Variants in TBXAS1 observed in about 807,000 individuals in gnomAD.
The protein encoded by TBXAS1 is thromboxane-A synthase.
In TBXAS1, 48 loss-of-function variants were observed where a neutral mutation model predicts 60.7. The ratio of observed to expected loss-of-function variants is 0.79; its 90% CI spans 0.63 to 1.01. The LOEUF is 1.01. Ranked by LOEUF, TBXAS1 falls within the 50% of genes least tolerant of loss-of-function variation. TBXAS1 has a pLI of 0.00. For missense variants in TBXAS1, 685 were observed against 686.3 expected (o/e 1.00, Z 0.02); for synonymous variants, 287 against 269.7 (o/e 1.06, Z -0.63).
chr7:139,778,338 G>T (rs1216195185), upstream of TBXAS1: 1 of 153,088 alleles, frequency 6.5e-6, no homozygotes. The surrounding 1 kb of genome is among the most constrained non-coding windows in gnomAD (Gnocchi z 4.8). Context: ...TTGTGTGTGT[G>T]TGTGCACGCG....
Position 139,870,618 on chromosome 7 carries a change from G to A in TBXAS1, c.90-1617G>A, listed in dbSNP as rs1039824908. ...GGTATGACTAATCCTTGGCGTTCAC[G>A]TGTGGCTCTTGAGTGTGGTTTGTAA... On this transcript the variant is annotated intron_variant, in intron 1 of 12. Coordinates refer to ENST00000448866, the MANE Select transcript of TBXAS1 (RefSeq NM_001061.7). Among the ~76,000 whole-genome samples, 5 of 152,158 alleles carry A rather than the reference G, an allele frequency of 3.3e-5. No homozygotes were observed. In the East Asian group the frequency reaches 9.6e-4, roughly 29 times the overall value.
intron 4 of TBXAS1, among the ~76,000 whole-genome samples, chr7:139,797,746 C>G (rs182844153): frequency 6.6e-6 from 1 of 152,306 alleles, no homozygotes; most frequent in African/African-American, 2.4e-5. Context: ...GCAGTAAGTA[C>G]TGCTGACCAC....
chr7:139,831,954 A>C (rs892204329), intron 1 of TBXAS1, among the ~76,000 whole-genome samples: 5 of 151,488 alleles, frequency 3.3e-5, no homozygotes, highest in African/African-American at 9.7e-5. Context: ...ACAAAACAAA[A>C]CAGAAGGATG....
Position 139,916,813 on chromosome 7 carries a change from G to A in TBXAS1, c.333+5492G>A, listed in dbSNP as rs191487682. Among the ~76,000 whole-genome samples, 376 of 152,366 alleles carry A rather than the reference G, an allele frequency of 2.5e-3. 3 individuals carry two copies. The highest frequency in any genetic ancestry group is 8.1e-3 in the African/African-American group (338 of 41,590). ...ATTCAGGGCTACAGGTGAGTCAGACGCCCTTGTGCGGGGGCCACAGGGACC... is the reference window on the plus strand; with the variant it reads ...ATTCAGGGCTACAGGTGAGTCAGACACCCTTGTGCGGGGGCCACAGGGACC... On this transcript the variant is annotated intron_variant, in intron 4 of 12. Coordinates refer to ENST00000448866, the MANE Select transcript of TBXAS1 (RefSeq NM_001061.7). The surrounding 1 kb of genome is among the most constrained non-coding windows in gnomAD (Gnocchi z 4.2).
chr7:139,799,075 C>CTTTT (rs59263161), intron 4 of TBXAS1, among the ~76,000 whole-genome samples: 3 of 118,722 alleles, frequency 2.5e-5, no homozygotes, highest in Non-Finnish European at 3.4e-5. Context: ...CCATACACTG[C>CTTTT]TTTTTTTTTT....
intron 11 of TBXAS1, among the ~76,000 whole-genome samples, chr7:140,017,186 C>G (rs1042403614): frequency 1.3e-5 from 2 of 152,348 alleles, no homozygotes; most frequent in East Asian, 3.9e-4. Context: ...GCCCAAGAGA[C>G]CTGCAGGGCA....
chr7:139,808,639 G>A (rs1797938296), intron 4 of TBXAS1, among the ~76,000 whole-genome samples: 2 of 152,004 alleles, frequency 1.3e-5, no homozygotes, highest in African/African-American at 2.4e-5. Flanking sequence ...CATCTCCACC[G>A]ACATCTGGTC....
At chr7:139,783,467 A>G (rs1797064925) in intron 3 of TBXAS1, among the ~76,000 whole-genome samples, 1 of 152,332 alleles carries the variant, frequency 6.6e-6, no homozygotes, top group Admixed American at 6.5e-5. Flanking sequence ...ATGGATTTGC[A>G]CATGAGAAGC....
chr7:139,798,371 G>A (rs1345053995), intron 4 of TBXAS1, among the ~76,000 whole-genome samples: 1 of 152,210 alleles, frequency 6.6e-6, no homozygotes, highest in African/African-American at 2.4e-5. Context: ...CCGCATGGGT[G>A]GAGCCAAGTT....
In TBXAS1 at chr7:139,964,092, A is replaced by AT. The variant is rs529477334; in HGVS notation, c.1134+1869dup. ...CTTAGGTCGCTGCCCATTCTTTTTT[A>AT]TTTTTTTTTTGAGATGAAGTTTCAC... On this transcript the variant is annotated intron_variant, in intron 9 of 12. Coordinates refer to ENST00000448866, the MANE Select transcript of TBXAS1 (RefSeq NM_001061.7). 2.1e-3 allele frequency among the ~76,000 whole-genome samples: 319 copies of AT among 148,936 alleles called. 1 individual carries two copies. The Middle Eastern group carries it at 0.031, about 15-fold the overall frequency.
chr7:139,920,808 C>G (rs756470753), intron 4 of TBXAS1, among the ~76,000 whole-genome samples: 9 of 152,210 alleles, frequency 5.9e-5, no homozygotes, highest in Admixed American at 2.6e-4. Context: ...GACACTCCTT[C>G]CTGAGACCAG....
At chr7:139,858,160 G>GC (rs1409583063) in intron 1 of TBXAS1, among the ~76,000 whole-genome samples, 1 of 152,190 alleles carries the variant, frequency 6.6e-6, no homozygotes, top group Non-Finnish European at 1.5e-5. Flanking sequence ...TGCTCACTCT[G>GC]CCCCATGGCC....
intron 4 of TBXAS1, among the ~76,000 whole-genome samples, chr7:139,788,713 A>G (rs1412366021): frequency 6.6e-6 from 1 of 152,222 alleles, no homozygotes; most frequent in Non-Finnish European, 1.5e-5. Context: ...AGAAGAGGAA[A>G]GGCTTAGGGC....
chr7:139,885,429 TC>T (rs1803014670), intron 3 of TBXAS1, among the ~76,000 whole-genome samples: 1 of 152,212 alleles, frequency 6.6e-6, no homozygotes, highest in Admixed American at 6.5e-5. Flanking sequence ...TGTAAAACAG[TC>T]ATGAATCACT....
chr7:139,843,304 G>A (rs116480074), intron 1 of TBXAS1, among the ~76,000 whole-genome samples: 4,645 of 150,768 alleles, frequency 0.031, 228 homozygotes, highest in African/African-American at 0.11. Flanking sequence ...TGGCTATCTC[G>A]GCACTTACTA....
intron 3 of TBXAS1, among the ~76,000 whole-genome samples, chr7:139,783,412 A>C (rs972588060): frequency 6.6e-6 from 1 of 151,914 alleles, no homozygotes; most frequent in African/African-American, 2.4e-5. Context: ...AGATGCACAG[A>C]AGGTAGGGCG....
At chr7:139,931,367 C>T (rs1344670791) in intron 4 of TBXAS1, among the ~76,000 whole-genome samples, 2 of 152,210 alleles carry the variant, frequency 1.3e-5, no homozygotes, top group African/African-American at 4.8e-5. Flanking sequence ...CCTGGACCTC[C>T]TTTCTGCAGA....
At chr7:140,002,438 G>A (rs1569524210) in intron 9 of TBXAS1, among the ~76,000 whole-genome samples, 1 of 152,266 alleles carries the variant, frequency 6.6e-6, no homozygotes, top group Non-Finnish European at 1.5e-5. Context: ...TTCCCGGGAC[G>A]GGGAGTCCTC....
At chr7:139,853,481 T>A (rs1172286743) in intron 1 of TBXAS1, among the ~76,000 whole-genome samples, 1 of 152,188 alleles carries the variant, frequency 6.6e-6, no homozygotes. Flanking sequence ...AGTGTTCCCA[T>A]CTGCAAAACG....
Sources: gnomAD v4.1 joint callset for allele counts (sites outside exome capture counted in the v4.1 genomes callset) on GRCh38, gnomAD v4.1.1 for gene constraint, Gnocchi (gnomAD v3.1) non-coding constraint, MANE v1.5 for transcripts, NCBI Gene and HGNC (gene_info 2026-07-23, HGNC 2026-07-21) for gene names.